MET: variants seen among roughly 807,000 people sequenced by gnomAD.
MET encodes the protein hepatocyte growth factor receptor.
Under a neutral mutation model 133.1 loss-of-function variants are expected in MET, and 48 were observed. That is an observed-to-expected ratio of 0.36 (90% CI 0.29 to 0.46). MET has a LOEUF of 0.46. Ranked by LOEUF, MET falls within the 20% of genes least tolerant of loss-of-function variation. MET has a pLI of 1.00. For missense variants in MET, 1,442 were observed against 1,695.9 expected, an observed-to-expected ratio of 0.85 and a Z score of 2.63; for synonymous variants, 628 against 616.5, an observed-to-expected ratio of 1.02 and a Z score of -0.28.
chr7:116,675,358 T>A (rs1796118733), intron 1 of MET, among the ~76,000 whole-genome samples: 1 of 152,234 alleles, frequency 6.6e-6, no homozygotes, highest in African/African-American at 2.4e-5. Context: ...AATTCATAAT[T>A]ATTAAGAGGA....
intron 19 of MET, among the ~76,000 whole-genome samples, chr7:116,784,864 A>C (rs1350192437): frequency 6.6e-6 from 1 of 152,176 alleles, no homozygotes; most frequent in African/African-American, 2.4e-5. Flanking sequence ...CTCATCTGAG[A>C]TAAGGCAAGT....
At chr7:116,730,052 A>G (rs1452727189) in intron 2 of MET, among the ~76,000 whole-genome samples, 1 of 152,218 alleles carries the variant, frequency 6.6e-6, no homozygotes, top group African/African-American at 2.4e-5. Context: ...TGTTACAGCT[A>G]TGCTATGGGT....
intron 5 of MET, among the ~76,000 whole-genome samples, chr7:116,754,798 C>G (rs977507141): frequency 6.1e-5 from 9 of 147,370 alleles, no homozygotes; most frequent in African/African-American, 2.3e-4. Flanking sequence ...GCCTGAACAA[C>G]AGAGCCAGAC....
intron 1 of MET, among the ~76,000 whole-genome samples, chr7:116,691,827 A>G (rs1218528592): frequency 3.3e-5 from 5 of 152,132 alleles, no homozygotes; most frequent in African/African-American, 1.2e-4. Context: ...TTGGCCACAT[A>G]CTCAACCCTG....
chr7:116,724,098 G>A (rs944239713), intron 2 of MET: 243 of 175,526 alleles, frequency 1.4e-3, no homozygotes, highest in Non-Finnish European at 1.9e-3. Flanking sequence ...GCCGCCTTGC[G>A]GTTTGATCTC....
intron 2 of MET, among the ~76,000 whole-genome samples, chr7:116,708,427 G>A (rs1426575875): frequency 6.6e-6 from 1 of 152,144 alleles, no homozygotes; most frequent in Non-Finnish European, 1.5e-5. Flanking sequence ...TTTCTTAAGT[G>A]GTTTGTGGTC....
At chr7:116,735,253 C>G (rs1793170552) in intron 3 of MET, among the ~76,000 whole-genome samples, 1 of 152,138 alleles carries the variant, frequency 6.6e-6, no homozygotes, top group Admixed American at 6.6e-5. Context: ...AATGTTGTTA[C>G]CACCCACTCA....
chr7:116,748,721 A>C (rs1042804993), intron 5 of MET, among the ~76,000 whole-genome samples: 3 of 152,252 alleles, frequency 2.0e-5, no homozygotes, highest in African/African-American at 7.2e-5. Flanking sequence ...AGAATCATCA[A>C]GAAGAAAAGA....
At chr7:116,784,988 A>G (rs1440584800) in intron 19 of MET, among the ~76,000 whole-genome samples, 1 of 152,232 alleles carries the variant, frequency 6.6e-6, no homozygotes, top group Non-Finnish European at 1.5e-5. Flanking sequence ...AATTGGCCAA[A>G]GCAAAGGGGC....
At chr7:116,748,288 A>G (rs187042844) in intron 5 of MET, among the ~76,000 whole-genome samples, 1 of 152,224 alleles carries the variant, frequency 6.6e-6, no homozygotes, top group African/African-American at 2.4e-5. Flanking sequence ...ACTCAAAACC[A>G]CACAACTACC....
intron 3 of MET, among the ~76,000 whole-genome samples, chr7:116,736,555 C>T (rs776396109): frequency 1.3e-5 from 2 of 152,110 alleles, no homozygotes; most frequent in Non-Finnish European, 2.9e-5. Flanking sequence ...GTGGATATCT[C>T]ACACAAAGTT....
chr7:116,783,270 C>G lies in MET; in HGVS notation c.3633-34C>G, dbSNP rs373972528. On this transcript the variant is annotated intron_variant, in intron 18 of 20. Coordinates refer to ENST00000397752, the MANE Select transcript of MET (RefSeq NM_000245.4). The stretch of plus-strand genomic sequence containing the variant: ...AGCATCATTGTAAATTATTCTATTT[C>G]AGCCACGGGTAATAATTTTTGTCCT... 9.5e-5 allele frequency: 153 copies of G among 1,613,098 alleles called. No homozygotes were observed. The highest frequency in any genetic ancestry group is 1.3e-4 in the Non-Finnish European group (150 of 1,179,298).
At chr7:116,702,498 A>G (rs1034186286) in intron 2 of MET, among the ~76,000 whole-genome samples, 5 of 152,088 alleles carry the variant, frequency 3.3e-5, no homozygotes, top group Admixed American at 6.6e-5. Context: ...CATTCATCAC[A>G]CACAAAAAAA....
Position 116,793,198 on chromosome 7 carries a change from G to A in MET, c.3799-2457G>A, listed in dbSNP as rs182850010. Reference sequence around the variant, plus strand: ...CTTTCTTTTTTTTTTTTTTTGAGACGGAGTCTCACTCTATCGCCCAAGCTG... The same window carrying A: ...CTTTCTTTTTTTTTTTTTTTGAGACAGAGTCTCACTCTATCGCCCAAGCTG... On this transcript the variant is annotated intron_variant, in intron 19 of 20. Transcript: ENST00000397752. Among the ~76,000 whole-genome samples the A allele has an allele frequency of 2.4e-3, 347 of 146,418 alleles. 4 individuals are homozygous for A. Among genetic ancestry groups the A allele is most frequent in the Non-Finnish European group, 7.0e-4 (47 of 66,996 alleles).
chr7:116,762,748 C>T (rs575554130), intron 10 of MET, among the ~76,000 whole-genome samples: 1 of 152,236 alleles, frequency 6.6e-6, no homozygotes, highest in East Asian at 1.9e-4. Flanking sequence ...GGGGCAGTTC[C>T]TCCAGGTGAC....
chr7:116,774,343 C>T (rs1327552622), intron 14 of MET, among the ~76,000 whole-genome samples: 2 of 152,192 alleles, frequency 1.3e-5, no homozygotes, highest in African/African-American at 4.8e-5. Flanking sequence ...GCCATCACTG[C>T]ACAGTGGAGA....
intron 5 of MET, among the ~76,000 whole-genome samples, chr7:116,749,288 G>C (rs1444586008): frequency 1.3e-5 from 2 of 152,204 alleles, no homozygotes; most frequent in Non-Finnish European, 2.9e-5. Flanking sequence ...TCCCTGGAAT[G>C]TAAGGCTGGT....
chr7:116,685,285 A>C (rs187389410), intron 1 of MET, among the ~76,000 whole-genome samples: 38 of 152,244 alleles, frequency 2.5e-4, no homozygotes, highest in Non-Finnish European at 4.3e-4. Context: ...CTACATGCTG[A>C]CAACTTCTTA....
intron 19 of MET, among the ~76,000 whole-genome samples, chr7:116,787,464 G>A (rs1362837000): frequency 6.6e-6 from 1 of 152,118 alleles, no homozygotes; most frequent in African/African-American, 2.4e-5. Flanking sequence ...AAGATCAAGG[G>A]GCCACATGTG....
Sources: gnomAD v4.1 joint callset for allele counts (sites outside exome capture counted in the v4.1 genomes callset) on GRCh38, gnomAD v4.1.1 for gene constraint, MANE v1.5 for transcripts, NCBI Gene and HGNC (gene_info 2026-07-23, HGNC 2026-07-21) for gene names.